The following ADCY9 variants were observed in gnomAD, a reference collection of about 807,000 sequenced individuals.
ADCY9 encodes the protein adenylate cyclase 9.
Under a neutral mutation model 101.5 loss-of-function variants are expected in ADCY9, and 50 were observed. That is an observed-to-expected ratio of 0.49 (90% confidence interval 0.39 to 0.62). The LOEUF (loss-of-function observed/expected upper bound fraction) is 0.62, where lower values mean the gene tolerates loss of function less well. Ranked by LOEUF, ADCY9 falls within the 20% of genes least tolerant of loss-of-function variation. The pLI is 0.00. For synonymous variants in ADCY9, 905 were observed against 769.3 expected (o/e 1.18, Z -2.92); for missense variants, 1,662 against 1,800.4 (o/e 0.92, Z 1.39).
chr16:4,003,813 C>G (rs910169175), intron 3 of ADCY9, among the ~76,000 whole-genome samples: 10 of 152,078 alleles, frequency 6.6e-5, no homozygotes, highest in African/African-American at 2.4e-4. Flanking sequence ...TCCGCCTCCC[C>G]TCCGCGACGC....
chr16:3,956,532 C>T (rs2055907656), intron 5 of ADCY9, among the ~76,000 whole-genome samples: 1 of 126,192 alleles, frequency 7.9e-6, no homozygotes, highest in Non-Finnish European at 1.6e-5. Context: ...CCTCTGTCTC[C>T]CAGGCTGGAG....
intron 3 of ADCY9, among the ~76,000 whole-genome samples, chr16:4,005,508 C>A (rs890656888): frequency 6.6e-6 from 1 of 152,212 alleles, no homozygotes; most frequent in African/African-American, 2.4e-5. Flanking sequence ...GGATTACAGG[C>A]GTGAGCCACC....
rs2056787453 is a variant in ADCY9 at position 4,064,107 on chromosome 16, A to AT, written c.1693+49642dup. 1.3e-5 allele frequency among the ~76,000 whole-genome samples: 2 copies of AT among 152,270 alleles called. 1 individual carries two copies. Among genetic ancestry groups the AT allele is most frequent in the South Asian group, 4.1e-4 (2 of 4,834 alleles). ...AACATGTTCATAAGATACAAAATCA[A>AT]TATCAGGAAATCAACTGTTTTGTGT... is the stretch of plus-strand genomic sequence containing the variant. On this transcript the variant is annotated intron_variant, in intron 2 of 10. Transcript: ENST00000294016.
chr16:4,023,182 G>A (rs1342670288), intron 2 of ADCY9, among the ~76,000 whole-genome samples: 3 of 152,214 alleles, frequency 2.0e-5, no homozygotes, highest in Non-Finnish European at 4.4e-5. Context: ...TGGGTTCTAT[G>A]GGAGCACCCG....
chr16:4,047,499 G>C (rs985322539), intron 2 of ADCY9, among the ~76,000 whole-genome samples: 3 of 151,966 alleles, frequency 2.0e-5, no homozygotes, highest in African/African-American at 7.3e-5. Flanking sequence ...TCTCCCTGGG[G>C]GGCAATTGGA....
chr16:4,008,125 A>G (rs1449556583), intron 2 of ADCY9, among the ~76,000 whole-genome samples: 2 of 151,982 alleles, frequency 1.3e-5, no homozygotes, highest in Admixed American at 1.3e-4. Flanking sequence ...TTGGATTCAA[A>G]CACTCACCCC....
At chr16:4,054,367 A>T (rs890072435) in intron 2 of ADCY9, among the ~76,000 whole-genome samples, 1 of 152,102 alleles carries the variant, frequency 6.6e-6, no homozygotes, top group Non-Finnish European at 1.5e-5. Flanking sequence ...TGGACTAAAC[A>T]AAATTCCCGA....
intron 2 of ADCY9, among the ~76,000 whole-genome samples, chr16:4,085,075 C>T (rs909171730): frequency 2.0e-5 from 3 of 151,976 alleles, no homozygotes; most frequent in African/African-American, 7.2e-5. Flanking sequence ...AGGGAGGACA[C>T]TGGAAGCTGG....
intron 2 of ADCY9, among the ~76,000 whole-genome samples, chr16:4,058,775 C>T (rs930964524): frequency 1.3e-5 from 2 of 152,098 alleles, no homozygotes; most frequent in Non-Finnish European, 2.9e-5. Context: ...AAAATCCCTC[C>T]GTCTTAGAAT....
intron 10 of ADCY9, among the ~76,000 whole-genome samples, chr16:3,970,722 G>A (rs753036481): frequency 7.9e-5 from 12 of 152,302 alleles, no homozygotes; most frequent in East Asian, 1.9e-4. Context: ...TGGCCATCAC[G>A]GCCCTCTGCG....
At chr16:4,101,638 G>T (rs949543665) in intron 2 of ADCY9, among the ~76,000 whole-genome samples, 2 of 152,186 alleles carry the variant, frequency 1.3e-5, no homozygotes, top group African/African-American at 4.8e-5. Context: ...CAAGAGGGCA[G>T]GGGCCACCCC....
At chr16:4,007,686 C>T in intron 2 of ADCY9, 128 bp from the exon 3 acceptor site, 1 of 752,708 alleles carries the variant, frequency 1.3e-6, no homozygotes, top group Admixed American at 3.1e-5. Context: ...GTGAATAGGT[C>T]ATAGTTTACG....
chr16:4,105,079 A>C (rs938916039), intron 2 of ADCY9, among the ~76,000 whole-genome samples: 15 of 152,180 alleles, frequency 9.9e-5, no homozygotes, highest in African/African-American at 2.4e-4. Flanking sequence ...CCAAAAAAAA[A>C]ACAAAAAACT....
rs2056087540 is a variant in ADCY9, at chr16:3,975,724, A to G, written c.2829-1014T>C. Reference sequence around the variant, plus strand: ...CATTCTGCGCACCTAAACCCTCTGTAATTGTAAACAGGCGGTTCTTCAATA... The same window carrying G: ...CATTCTGCGCACCTAAACCCTCTGTGATTGTAAACAGGCGGTTCTTCAATA... On this transcript the variant is annotated intron_variant, in intron 9 of 10. Coordinates refer to ENST00000294016, the MANE Select transcript of ADCY9 (RefSeq NM_001116.4). 2.6e-5 allele frequency among the ~76,000 whole-genome samples: 4 copies of G among 152,218 alleles called. No homozygotes were observed. In the South Asian group the frequency reaches 8.3e-4, roughly 32 times the overall value.
At chr16:4,078,672 G>C (rs954097397) in intron 2 of ADCY9, among the ~76,000 whole-genome samples, 5 of 151,704 alleles carry the variant, frequency 3.3e-5, no homozygotes, top group Admixed American at 1.3e-4. Flanking sequence ...ACTAAAGGTA[G>C]AAACCATAAA....
chr16:4,031,710 C>T (rs2056556403), intron 2 of ADCY9, among the ~76,000 whole-genome samples: 3 of 151,662 alleles, frequency 2.0e-5, no homozygotes. Context: ...ATGGCGAAAC[C>T]ACTGGCTAAT....
intron 2 of ADCY9, among the ~76,000 whole-genome samples, chr16:4,066,734 C>T (rs2056803421): frequency 6.6e-6 from 1 of 152,024 alleles, no homozygotes; most frequent in East Asian, 1.9e-4. Context: ...GTAACATTTA[C>T]ATGAGATCCA....
chr16:3,998,633 C>T (rs113519874), intron 3 of ADCY9, among the ~76,000 whole-genome samples: 14,671 of 134,648 alleles, frequency 0.11, 842 homozygotes, highest in Middle Eastern at 0.14. Context: ...CTCTTGAACC[C>T]GGGAGGTGGA....
intron 2 of ADCY9, among the ~76,000 whole-genome samples, chr16:4,025,134 G>A (rs562680521): frequency 5.9e-5 from 9 of 152,198 alleles, no homozygotes; most frequent in Middle Eastern, 3.4e-3. Context: ...AGGCCGAGGC[G>A]GGTGGATCAC....
Sources: allele counts gnomAD v4.1 joint callset (sites outside exome capture counted in the v4.1 genomes callset), GRCh38; gene constraint gnomAD v4.1.1; transcripts MANE v1.5; gene names NCBI Gene and HGNC (gene_info 2026-07-23, HGNC 2026-07-21).